CHSY3: variants seen among roughly 807,000 people sequenced by gnomAD.
CHSY3 encodes the protein chondroitin sulfate synthase 3, also known as N-acetylgalactosaminyl-proteoglycan 3-beta-glucuronosyltransferase 3.
A neutral mutation model predicts 67.2 loss-of-function variants in CHSY3; 35 were observed. The observed-to-expected ratio is 0.52, with a 90% CI of 0.40 to 0.69. The LOEUF (loss-of-function observed/expected upper bound fraction) is 0.69. Ranked by LOEUF, CHSY3 falls within the 30% of genes least tolerant of loss-of-function variation. CHSY3 has a pLI of 0.00. For missense variants in CHSY3, 1,069 were observed against 1,138.5 expected, an observed-to-expected ratio of 0.94 and a Z score of 0.88; for synonymous variants, 474 against 434.7, an observed-to-expected ratio of 1.09 and a Z score of -1.12.
intron 2 of CHSY3, among the ~76,000 whole-genome samples, chr5:130,041,537 GTCAA>G (rs879670363): frequency 5.9e-5 from 9 of 152,076 alleles, no homozygotes; most frequent in Non-Finnish European, 1.0e-4. Context: ...CTTAGCACTA[GTCAA>G]CATATAAACT....
chr5:129,929,430 C>A (rs1336890368), intron 2 of CHSY3, among the ~76,000 whole-genome samples: 1 of 152,092 alleles, frequency 6.6e-6, no homozygotes, highest in Admixed American at 6.5e-5. Flanking sequence ...AATTGTTTTT[C>A]TTTCAGCTAT....
intron 2 of CHSY3, among the ~76,000 whole-genome samples, chr5:129,989,191 C>T (rs913437085): frequency 6.6e-6 from 1 of 151,810 alleles, no homozygotes; most frequent in African/African-American, 2.4e-5. Flanking sequence ...TTTGCACAGC[C>T]TTCTAACAGG....
intron 2 of CHSY3, among the ~76,000 whole-genome samples, chr5:129,980,355 T>C (rs1192608929): frequency 1.3e-5 from 2 of 152,238 alleles, no homozygotes; most frequent in Non-Finnish European, 2.9e-5. Context: ...ATTTTCACAT[T>C]TGACATTTCA....
intron 2 of CHSY3, among the ~76,000 whole-genome samples, chr5:130,105,058 AG>A (rs1460810575): frequency 2.0e-5 from 3 of 151,582 alleles, no homozygotes; most frequent in African/African-American, 7.3e-5. Context: ...GTTTGAGCCA[AG>A]GGGCCCCAAG....
chr5:130,160,251 C>T (rs1221232515), intron 2 of CHSY3, among the ~76,000 whole-genome samples: 1 of 152,190 alleles, frequency 6.6e-6, no homozygotes, highest in African/African-American at 2.4e-5. Flanking sequence ...GTTCCTTGTC[C>T]ATCTGACTCC....
chr5:129,941,426 T>G (rs1761695694), intron 2 of CHSY3, among the ~76,000 whole-genome samples: 1 of 152,140 alleles, frequency 6.6e-6, no homozygotes, highest in South Asian at 2.1e-4. Context: ...TTTTTTCAAT[T>G]AGTAAGTAGC....
chr5:130,013,999 G>T (rs1396240348), intron 2 of CHSY3, among the ~76,000 whole-genome samples: 1 of 152,120 alleles, frequency 6.6e-6, no homozygotes, highest in Non-Finnish European at 1.5e-5. Context: ...CAAGTTTAAA[G>T]TTCCACATAT....
chr5:130,141,296 A>C (rs1768858172), intron 2 of CHSY3: 1 of 419,100 alleles, frequency 2.4e-6, no homozygotes, highest in African/African-American at 2.1e-5. Flanking sequence ...TCAAGCAGAC[A>C]TAGACCTCAT....
intron 2 of CHSY3, among the ~76,000 whole-genome samples, chr5:130,151,724 C>T (rs533654393): frequency 1.4e-4 from 21 of 152,196 alleles, no homozygotes; most frequent in African/African-American, 4.6e-4. Flanking sequence ...ACTACCAGAT[C>T]TTATGAGAAC....
chr5:129,914,444 T>C (rs1331896368), intron 2 of CHSY3, among the ~76,000 whole-genome samples: 1 of 152,234 alleles, frequency 6.6e-6, no homozygotes, highest in Non-Finnish European at 1.5e-5. Flanking sequence ...TTGATTTTAC[T>C]CAATCATGAA....
intron 2 of CHSY3, among the ~76,000 whole-genome samples, chr5:130,121,019 T>C (rs1448760578): frequency 2.0e-5 from 3 of 152,210 alleles, no homozygotes; most frequent in Admixed American, 6.5e-5. Context: ...CGGCATCTTT[T>C]CAATGTGTGC....
rs1358256281 is a variant in CHSY3, at chr5:130,153,967, G to T, written c.1087-30262G>T. The stretch of plus-strand genomic sequence containing the variant: ...GAGTCTCACACTGTTGCCCAGGCTG[G>T]ATGCAATGCCACAATCTTGGCTCAC... On this transcript the variant is annotated intron_variant, in intron 2 of 2. Transcript: ENST00000305031. 5.3e-5 allele frequency among the ~76,000 whole-genome samples: 8 copies of T among 151,992 alleles called. No individual in the cohort carries two copies. In the East Asian group the frequency reaches 1.5e-3, roughly 29 times the overall value.
At chr5:130,020,439 ATATATATATATATATATATATATT>A (rs1262236670) in intron 2 of CHSY3, among the ~76,000 whole-genome samples, 335 of 7,568 alleles carry the variant, frequency 0.044, 13 homozygotes, top group Middle Eastern at 0.1. Context: ...ATATATATAT[ATATATATATATATATATATATATT>A]TTTTTTTTTT....
At chr5:130,167,609 T>C (rs1769785937) in intron 2 of CHSY3, among the ~76,000 whole-genome samples, 1 of 152,172 alleles carries the variant, frequency 6.6e-6, no homozygotes, top group Non-Finnish European at 1.5e-5. Context: ...TGGATTTTAC[T>C]TGATCTGGAA....
At chr5:129,987,217 T>C (rs1224081748) in intron 2 of CHSY3, among the ~76,000 whole-genome samples, 1 of 152,194 alleles carries the variant, frequency 6.6e-6, no homozygotes, top group Non-Finnish European at 1.5e-5. Context: ...AGGAATTGTG[T>C]TCATCAGTTT....
chr5:130,025,023 G>A (rs1341154786), intron 2 of CHSY3, among the ~76,000 whole-genome samples: 1 of 152,056 alleles, frequency 6.6e-6, no homozygotes, highest in Admixed American at 6.6e-5. Context: ...GCATAAGGCA[G>A]GTTATATAGT....
At chr5:130,061,767 A>G (rs1013856928) in intron 2 of CHSY3, among the ~76,000 whole-genome samples, 2 of 152,140 alleles carry the variant, frequency 1.3e-5, no homozygotes, top group African/African-American at 4.8e-5. Context: ...CCTCCAAAGA[A>G]GAAGTACAAG....
At chr5:130,179,591 G>T (rs1770184645) in intron 2 of CHSY3, among the ~76,000 whole-genome samples, 1 of 151,700 alleles carries the variant, frequency 6.6e-6, no homozygotes, top group Admixed American at 6.6e-5. Context: ...TCATATCCCT[G>T]AGCTCTTACA....
chr5:130,141,936 G>T, intron 2 of CHSY3: 1 of 223,916 alleles, frequency 4.5e-6, no homozygotes, highest in South Asian at 5.9e-5. Flanking sequence ...GGCCCCCATT[G>T]AAGAGGCTGA....
Sources: gnomAD v4.1 joint callset for allele counts (sites outside exome capture counted in the v4.1 genomes callset) on GRCh38, gnomAD v4.1.1 for gene constraint, MANE v1.5 for transcripts, NCBI Gene and HGNC (gene_info 2026-07-23, HGNC 2026-07-21) for gene names.